Variants in ARHGAP10 observed in about 807,000 individuals in gnomAD.
ARHGAP10 encodes the protein Rho GTPase activating protein 10, also known as rho GTPase-activating protein 10.
A neutral mutation model predicts 108.6 loss-of-function variants in ARHGAP10; 87 were observed. The ratio of observed to expected loss-of-function variants is 0.80; its 90% CI spans 0.67 to 0.96. The LOEUF is 0.96. ARHGAP10 is among the 40% of genes least tolerant of loss of function. ARHGAP10 has a pLI of 0.00. For missense variants in ARHGAP10, 939 were observed against 954.5 expected, an observed-to-expected ratio of 0.98 and a Z score of 0.21; for synonymous variants, 347 against 341.1, an observed-to-expected ratio of 1.02 and a Z score of -0.19.
chr4:147,783,172 AAC>A (rs1019995649), intron 1 of ARHGAP10, among the ~76,000 whole-genome samples: 3 of 128,256 alleles, frequency 2.3e-5, no homozygotes, highest in Non-Finnish European at 3.5e-5. Context: ...TAATTTATAT[AAC>A]ACATTAAATT....
chr4:148,008,749 T>G (rs897285454), intron 18 of ARHGAP10, among the ~76,000 whole-genome samples: 2 of 152,046 alleles, frequency 1.3e-5, no homozygotes, highest in African/African-American at 4.8e-5. Context: ...CTTTTCAGGG[T>G]TCTGTGAGGT....
rs765789860 is a variant in ARHGAP10 at position 147,966,677 on chromosome 4, C to T, written c.1557-3C>T. The T allele has an allele frequency of 1.3e-6, 2 of 1,553,652 alleles. No individual in the cohort carries two copies. The stretch of plus-strand genomic sequence containing the variant: ...CAGATTCCTCCCCCCTTACCAATTT[C>T]AGTGTTTCAAATCACTCCAAGCAGA... On this transcript the variant is annotated splice_polypyrimidine_tract_variant and splice_region_variant and intron_variant, in intron 17 of 22. Transcript: ENST00000336498.
intron 1 of ARHGAP10, among the ~76,000 whole-genome samples, chr4:147,815,539 AAG>A (rs1237983095): frequency 3.3e-5 from 5 of 152,106 alleles, no homozygotes; most frequent in Non-Finnish European, 7.4e-5. Context: ...TGGTCCTTAA[AAG>A]AGAGAAGAGA....
chr4:147,847,100 C>T, intron 3 of ARHGAP10, 51 bp from the exon 4 acceptor site: 3 of 1,493,842 alleles, frequency 2.0e-6, no homozygotes, highest in South Asian at 1.2e-5. Context: ...TAATTTTTTC[C>T]TTTTTGGAAA....
At chr4:147,875,885 G>A (rs1735038610) in intron 8 of ARHGAP10, among the ~76,000 whole-genome samples, 1 of 152,180 alleles carries the variant, frequency 6.6e-6, no homozygotes, top group African/African-American at 2.4e-5. Flanking sequence ...AGTTCTTAAC[G>A]TTTACTACGT....
At chr4:147,943,729 T>C (rs895519116) in intron 14 of ARHGAP10, among the ~76,000 whole-genome samples, 7 of 152,244 alleles carry the variant, frequency 4.6e-5, no homozygotes, top group African/African-American at 7.2e-5. Context: ...ACATGTATTC[T>C]GAATGAACCC....
intron 3 of ARHGAP10, among the ~76,000 whole-genome samples, chr4:147,827,521 G>A (rs542120164): frequency 6.6e-6 from 1 of 152,280 alleles, no homozygotes; most frequent in South Asian, 2.1e-4. Context: ...TAGAGTTTGT[G>A]GGGTGGAGAC....
chr4:147,840,905 G>C (rs1733386494), intron 3 of ARHGAP10, among the ~76,000 whole-genome samples: 1 of 152,178 alleles, frequency 6.6e-6, no homozygotes, highest in Non-Finnish European at 1.5e-5. Flanking sequence ...TACAAGATAA[G>C]CGTAAGAGCA....
At chr4:147,946,155 G>C (rs1738371234) in intron 14 of ARHGAP10, 1 of 153,394 alleles carries the variant, frequency 6.5e-6, no homozygotes, top group Non-Finnish European at 1.4e-5. Context: ...GTTCTCTGGG[G>C]ACTCTACCCT....
At chr4:147,822,016 T>A (rs1732518635) in intron 1 of ARHGAP10, among the ~76,000 whole-genome samples, 1 of 152,236 alleles carries the variant, frequency 6.6e-6, no homozygotes, top group Non-Finnish European at 1.5e-5. Context: ...TCTTGAGAAT[T>A]TTTGAATGAA....
At chr4:147,752,749 A>G (rs962201114) in intron 1 of ARHGAP10, among the ~76,000 whole-genome samples, 4 of 152,078 alleles carry the variant, frequency 2.6e-5, no homozygotes, top group Non-Finnish European at 5.9e-5. Flanking sequence ...CTGGTCTCAA[A>G]TTCCTGACCT....
At position 147,908,432 on chromosome 4, in the gene ARHGAP10, C is replaced by T. The variant is rs565279680; in HGVS notation, c.1117-1300C>T. On this transcript the variant is annotated intron_variant, in intron 11 of 22. Coordinates refer to ENST00000336498, the MANE Select transcript of ARHGAP10 (RefSeq NM_024605.4). Reference sequence around the variant, plus strand: ...GGCAATGTCAGTGTAACCTTCAAGACGTATATAACCTCTCTTTTAGAGTCA... The same window carrying T: ...GGCAATGTCAGTGTAACCTTCAAGATGTATATAACCTCTCTTTTAGAGTCA... 5.9e-5 allele frequency among the ~76,000 whole-genome samples: 9 copies of T among 152,288 alleles called. No individual in the cohort carries two copies. The East Asian group carries it at 7.7e-4, about 13-fold the overall frequency.
intron 20 of ARHGAP10, among the ~76,000 whole-genome samples, chr4:148,059,337 T>C (rs904718437): frequency 6.6e-6 from 1 of 152,190 alleles, no homozygotes; most frequent in African/African-American, 2.4e-5. Flanking sequence ...TTCAGGAAAC[T>C]TGTGGCACTT....
At chr4:147,839,049 C>G (rs943775318) in intron 3 of ARHGAP10, among the ~76,000 whole-genome samples, 15 of 152,068 alleles carry the variant, frequency 9.9e-5, no homozygotes, top group African/African-American at 3.4e-4. Flanking sequence ...TTTTTCCTAA[C>G]AGATCATTTT....
intron 3 of ARHGAP10, among the ~76,000 whole-genome samples, chr4:147,833,147 CAG>C (rs1226382607): frequency 6.6e-6 from 1 of 152,124 alleles, no homozygotes; most frequent in African/African-American, 2.4e-5. Flanking sequence ...TTCAGTGGCA[CAG>C]AGGAAAAATA....
At chr4:147,948,839 G>A (rs531688738) in intron 15 of ARHGAP10, among the ~76,000 whole-genome samples, 8 of 151,712 alleles carry the variant, frequency 5.3e-5, no homozygotes, top group Middle Eastern at 3.4e-3. Flanking sequence ...GGTGGTGGGC[G>A]CCTGTAGTCG....
chr4:147,842,252 C>A (rs962309820), intron 3 of ARHGAP10, among the ~76,000 whole-genome samples: 12 of 152,090 alleles, frequency 7.9e-5, no homozygotes, highest in African/African-American at 2.9e-4. Context: ...CCCTTATATT[C>A]TTTTTCTACT....
intron 22 of ARHGAP10, among the ~76,000 whole-genome samples, chr4:148,070,399 C>T (rs904318164): frequency 6.6e-6 from 1 of 152,184 alleles, no homozygotes; most frequent in African/African-American, 2.4e-5. Flanking sequence ...AAGGAAAGTG[C>T]AGGCGGTTAG....
intron 1 of ARHGAP10, among the ~76,000 whole-genome samples, chr4:147,745,847 C>T (rs1029024708): frequency 5.0e-5 from 7 of 139,596 alleles, no homozygotes; most frequent in South Asian, 2.4e-4. Flanking sequence ...GGTGCAGTGG[C>T]GTGATCTCGG....
Sources: allele counts gnomAD v4.1 joint callset (sites outside exome capture counted in the v4.1 genomes callset), GRCh38; gene constraint gnomAD v4.1.1; transcripts MANE v1.5; gene names NCBI Gene and HGNC (gene_info 2026-07-23, HGNC 2026-07-21).